EFCAB5: variants seen among roughly 807,000 people sequenced by gnomAD.
EFCAB5 encodes EF-hand calcium-binding domain-containing protein 5.
A neutral mutation model predicts 167.9 loss-of-function variants in EFCAB5; 131 were observed. The ratio of observed to expected loss-of-function variants is 0.78; its 90% CI spans 0.68 to 0.90. The LOEUF is 0.90. Ranked by LOEUF, EFCAB5 falls within the 40% of genes least tolerant of loss-of-function variation. The pLI, the probability that EFCAB5 is intolerant of heterozygous loss-of-function variation, is 0.00. For missense variants in EFCAB5, 1,663 were observed against 1,745.2 expected, an observed-to-expected ratio of 0.95 and a Z score of 0.84; for synonymous variants, 574 against 602.8, an observed-to-expected ratio of 0.95 and a Z score of 0.70.
rs781043710 is a variant in EFCAB5 at position 30,093,792 on chromosome 17, CCA to C, written c.4321+859_4321+860del. Among the ~76,000 whole-genome samples the C allele has an allele frequency of 5.9e-5, 9 of 152,310 alleles. No individual in the cohort carries two copies. The Middle Eastern group carries it at 0.014, about 230-fold the overall frequency. ...ACCACCGCCAAGCCTTTAGTGTTAA[CCA>C]CAGTCTCCGCAGCAATCAAGAAAGT... On this transcript the variant is annotated intron_variant, in intron 22 of 22. Coordinates refer to ENST00000394835, the MANE Select transcript of EFCAB5 (RefSeq NM_198529.4).
chr17:30,073,118 C>G (rs910705680), intron 14 of EFCAB5: 1 of 694,822 alleles, frequency 1.4e-6, no homozygotes, highest in East Asian at 2.7e-5. Context: ...TGCAGTGGCG[C>G]AACTGTAGCT....
chr17:30,029,410 T>C (rs2069418012), intron 7 of EFCAB5, among the ~76,000 whole-genome samples: 1 of 152,210 alleles, frequency 6.6e-6, no homozygotes, highest in South Asian at 2.1e-4. Context: ...ATGTAATTTA[T>C]TAAATATTAT....
intron 3 of EFCAB5, among the ~76,000 whole-genome samples, chr17:29,944,313 T>A (rs1030505221): frequency 1.3e-5 from 2 of 152,190 alleles, no homozygotes; most frequent in Non-Finnish European, 2.9e-5. Context: ...TCTCCTGGAC[T>A]CAGGCGATCC....
At chr17:30,067,617 A>G (rs1387192804) in intron 14 of EFCAB5, among the ~76,000 whole-genome samples, 2 of 152,224 alleles carry the variant, frequency 1.3e-5, no homozygotes. Flanking sequence ...CAGGAAAAGC[A>G]TTTGATAAAT....
intron 10 of EFCAB5, among the ~76,000 whole-genome samples, chr17:30,054,865 A>C (rs57551273): frequency 6.6e-6 from 1 of 152,340 alleles, no homozygotes; most frequent in African/African-American, 2.4e-5. Context: ...CTGGATTATC[A>C]GATTGTCATT....
At chr17:30,023,942 C>G (rs2069248849) in intron 7 of EFCAB5, among the ~76,000 whole-genome samples, 2 of 152,154 alleles carry the variant, frequency 1.3e-5, no homozygotes, top group Non-Finnish European at 2.9e-5. Context: ...ACATGATTAT[C>G]TCAATAGATG....
At chr17:30,035,501 A>G (rs2069591829) in intron 8 of EFCAB5, among the ~76,000 whole-genome samples, 1 of 152,216 alleles carries the variant, frequency 6.6e-6, no homozygotes, top group African/African-American at 2.4e-5. Flanking sequence ...AGAAGATAGA[A>G]TAACAGGAGA....
intron 7 of EFCAB5, among the ~76,000 whole-genome samples, chr17:30,013,904 A>AT (rs1220063053): frequency 2.6e-5 from 4 of 152,058 alleles, no homozygotes; most frequent in African/African-American, 9.7e-5. Flanking sequence ...TAGGGTGTCG[A>AT]TTTTAGATCT....
intron 7 of EFCAB5, among the ~76,000 whole-genome samples, chr17:30,029,274 T>C (rs980778832): frequency 1.3e-5 from 2 of 152,216 alleles, no homozygotes; most frequent in South Asian, 2.1e-4. Flanking sequence ...ATTTAATTCA[T>C]CTAACCTACT....
At chr17:30,107,115 T>C (rs2071459254) in intron 22 of EFCAB5, among the ~76,000 whole-genome samples, 1 of 152,240 alleles carries the variant, frequency 6.6e-6, no homozygotes, top group Non-Finnish European at 1.5e-5. Flanking sequence ...CATTGGACCA[T>C]TCTGTTTGAA....
At chr17:30,084,557 G>T (rs1269238664) in intron 18 of EFCAB5, among the ~76,000 whole-genome samples, 1 of 152,142 alleles carries the variant, frequency 6.6e-6, no homozygotes. Flanking sequence ...AAAGTCGGGG[G>T]AGAGAAGGAC....
chr17:29,980,105 G>T (rs922890348), intron 4 of EFCAB5, among the ~76,000 whole-genome samples: 8 of 152,156 alleles, frequency 5.3e-5, no homozygotes, highest in African/African-American at 1.9e-4. Context: ...GGAGGCGGAG[G>T]TTGCAGTGAG....
intron 3 of EFCAB5, among the ~76,000 whole-genome samples, chr17:29,953,724 T>G (rs1381311676): frequency 1.3e-5 from 2 of 152,238 alleles, no homozygotes; most frequent in Admixed American, 6.5e-5. Flanking sequence ...ACTGTAAATA[T>G]ACCCAGAAAT....
intron 9 of EFCAB5, 72 bp from the exon 10 acceptor site, chr17:30,053,183 C>T (rs939473907): frequency 7.4e-6 from 11 of 1,487,420 alleles, no homozygotes; most frequent in Non-Finnish European, 9.9e-6. Context: ...CTTTTCTTTG[C>T]ATTAATTTAA....
chr17:29,944,545 AT>A (rs1380664943), intron 3 of EFCAB5, among the ~76,000 whole-genome samples: 6 of 151,004 alleles, frequency 4.0e-5, no homozygotes, highest in African/African-American at 1.5e-4. Context: ...AACTCCAGTG[AT>A]TTGGGCTGCT....
intron 14 of EFCAB5, among the ~76,000 whole-genome samples, chr17:30,066,374 AT>A (rs1293314308): frequency 6.6e-6 from 1 of 151,944 alleles, no homozygotes; most frequent in Non-Finnish European, 1.5e-5. Flanking sequence ...GGAATTTAAA[AT>A]TTTTTTTGAA....
Position 30,034,369 on chromosome 17 carries a change from A to T in EFCAB5, c.1184A>T (p.His395Leu), listed in dbSNP as rs745337307. Residue 395 changes from histidine to leucine, a missense_variant, in exon 8 of 23, where the codon CAT becomes CTT. By Grantham distance (99) the His-to-Leu change is moderately conservative. Coordinates refer to ENST00000394835, the MANE Select transcript of EFCAB5 (RefSeq NM_198529.4). ...CAGATGTTCGCTGAACTCTTCCTAC[A>T]TTGTGACCACGGGAAGGTGGGTTAA... is the stretch of plus-strand genomic sequence containing the variant. The part of the protein sequence containing the change: ...RRQMFAELFL[H>L]CDHGKVGFLD... The T allele has an allele frequency of 4.4e-6, 7 of 1,603,974 alleles. No homozygotes were observed. In the South Asian group the frequency reaches 6.7e-5, roughly 15 times the overall value.
chr17:30,031,351 A>T (rs1054568835), intron 7 of EFCAB5, among the ~76,000 whole-genome samples: 1 of 152,212 alleles, frequency 6.6e-6, no homozygotes, highest in Non-Finnish European at 1.5e-5. Context: ...TTCTCAGATG[A>T]TGCTGATGCT....
At chr17:29,982,397 AAAAG>A (rs1340045761) in intron 4 of EFCAB5, among the ~76,000 whole-genome samples, 1 of 152,188 alleles carries the variant, frequency 6.6e-6, no homozygotes, top group Non-Finnish European at 1.5e-5. Context: ...TCTCAAAAAA[AAAAG>A]AAAGAAAGAA....
Sources: allele counts gnomAD v4.1 joint callset (sites outside exome capture counted in the v4.1 genomes callset), GRCh38; gene constraint gnomAD v4.1.1; transcripts MANE v1.5; gene names NCBI Gene and HGNC (gene_info 2026-07-23, HGNC 2026-07-21).